The following MAD1L1 variants were observed in gnomAD, a reference collection of about 807,000 sequenced individuals.
The protein encoded by MAD1L1 is mitotic spindle assembly checkpoint protein MAD1.
A neutral mutation model predicts 96.9 loss-of-function variants in MAD1L1; 95 were observed. The ratio of observed to expected loss-of-function variants is 0.98; its 90% CI spans 0.83 to 1.16. The LOEUF is 1.16. Among genes scored for constraint, MAD1L1 ranks in the 50% most tolerant of loss-of-function variants. The pLI is 0.00. For synonymous variants in MAD1L1, 473 were observed against 396.6 expected (o/e 1.19, Z -2.29); for missense variants, 1,007 against 954.4 (o/e 1.06, Z -0.73).
intron 13 of MAD1L1, among the ~76,000 whole-genome samples, chr7:2,007,193 C>T (rs1053794977): frequency 6.6e-6 from 1 of 152,204 alleles, no homozygotes; most frequent in Non-Finnish European, 1.5e-5. Context: ...AAACGCTGGG[C>T]ACGTCAGTCA....
intron 12 of MAD1L1, among the ~76,000 whole-genome samples, chr7:2,068,144 C>T (rs1178316084): frequency 6.6e-6 from 1 of 152,180 alleles, no homozygotes; most frequent in African/African-American, 2.4e-5. Flanking sequence ...TTGGAGTGTC[C>T]CCTGTCTGGG....
At chr7:1,843,704 G>A (rs1435931610) in intron 18 of MAD1L1, among the ~76,000 whole-genome samples, 2 of 152,220 alleles carry the variant, frequency 1.3e-5, no homozygotes, top group Non-Finnish European at 2.9e-5. Context: ...CACTTCTGGA[G>A]TGGGCACACT....
intron 11 of MAD1L1, among the ~76,000 whole-genome samples, chr7:2,082,235 A>G (rs909271992): frequency 2.0e-5 from 3 of 152,026 alleles, no homozygotes; most frequent in Non-Finnish European, 4.4e-5. Flanking sequence ...CACATCCCAC[A>G]ACAGCTGCAC....
intron 11 of MAD1L1, among the ~76,000 whole-genome samples, chr7:2,135,767 A>G (rs1224637600): frequency 1.3e-5 from 2 of 152,228 alleles, no homozygotes; most frequent in African/African-American, 4.8e-5. Context: ...GTGTGTGCAC[A>G]TGTCCCAGGC....
At chr7:2,080,013 C>A (rs936136860) in intron 11 of MAD1L1, 11 of 304,322 alleles carry the variant, frequency 3.6e-5, no homozygotes, top group Non-Finnish European at 7.0e-5. Flanking sequence ...TCCGTGCGTC[C>A]GTCAACCCTG....
rs142501392 is a variant in MAD1L1, at chr7:2,232,550, G to T, written c.-190+322C>A. 8.1e-3 allele frequency among the ~76,000 whole-genome samples: 1,233 copies of T among 152,284 alleles called. 8 individuals carry two copies. Among genetic ancestry groups the T allele is most frequent in the Non-Finnish European group, 0.015 (1,023 of 68,016 alleles). On this transcript the variant is annotated intron_variant, in intron 1 of 18. Coordinates refer to ENST00000265854, the MANE Select transcript of MAD1L1 (RefSeq NM_001013836.2). The stretch of plus-strand genomic sequence containing the variant: ...ACACGGTAGGCAGCGGGACCCCGGG[G>T]CTGGGACCACGAGCACGCGCCCCTC...
chr7:1,842,499 C>T (rs898613841), intron 18 of MAD1L1, among the ~76,000 whole-genome samples: 1 of 152,266 alleles, frequency 6.6e-6, no homozygotes, highest in African/African-American at 2.4e-5. Flanking sequence ...GAATCCCTTC[C>T]GGCGCATGCC....
rs376900800 is a variant in MAD1L1, at chr7:2,219,448, G to T, written c.480C>A (p.Asn160Lys). 8 of 1,613,590 alleles carry T rather than the reference G, an allele frequency of 5.0e-6. No homozygotes were observed. The African/African-American group carries it at 9.4e-5, about 19-fold the overall frequency. Residue 160 changes from asparagine (N) to lysine (K), a missense_variant, in exon 6 of 19, where the codon AAC becomes AAA. Asn to Lys is a moderately conservative substitution (Grantham distance 94, BLOSUM62 0). Coordinates refer to ENST00000265854, the MANE Select transcript of MAD1L1 (RefSeq NM_001013836.2). ...GTTCCGAGATCCTCCCCTTCAGTGC[G>T]TTGATGGTCTAAAAGTAGAGGGGAC... ...DSLAQAGETI[N>K]ALKGRISELQ...
At chr7:2,113,993 G>A (rs1787522190) in intron 11 of MAD1L1, among the ~76,000 whole-genome samples, 1 of 152,204 alleles carries the variant, frequency 6.6e-6, no homozygotes, top group Non-Finnish European at 1.5e-5. Context: ...CCAGATCCTG[G>A]CACAGAAAAA....
At chr7:2,091,293 C>T (rs1297973872) in intron 11 of MAD1L1, among the ~76,000 whole-genome samples, 2 of 152,142 alleles carry the variant, frequency 1.3e-5, no homozygotes, top group Admixed American at 6.5e-5. Flanking sequence ...CTCTGGGCCC[C>T]GGTCAGCTCC....
At chr7:2,180,003 C>T (rs1160224245) in intron 10 of MAD1L1, among the ~76,000 whole-genome samples, 2 of 152,028 alleles carry the variant, frequency 1.3e-5, no homozygotes, top group East Asian at 3.9e-4. Flanking sequence ...GAAAGAAAGT[C>T]CTGTCTTGAT....
At chr7:2,198,128 T>G (rs954827830) in intron 10 of MAD1L1, among the ~76,000 whole-genome samples, 41 of 152,080 alleles carry the variant, frequency 2.7e-4, no homozygotes, top group African/African-American at 9.4e-4. Context: ...TATATTTTTA[T>G]TTTTAAAAAT....
intron 11 of MAD1L1, among the ~76,000 whole-genome samples, chr7:2,101,274 C>T (rs1381730417): frequency 8.7e-6 from 1 of 114,488 alleles, no homozygotes; most frequent in African/African-American, 3.2e-5. Flanking sequence ...TGGCGCGAGA[C>T]TGGGGCTCCA....
At chr7:2,145,270 T>G (rs1366481770) in intron 11 of MAD1L1, among the ~76,000 whole-genome samples, 5 of 152,224 alleles carry the variant, frequency 3.3e-5, no homozygotes, top group Non-Finnish European at 5.9e-5. Context: ...GGAATTCCAG[T>G]GCAGCACCTG....
At chr7:2,222,937 C>T (rs1026998778) in intron 4 of MAD1L1, among the ~76,000 whole-genome samples, 183 bp from the exon 5 acceptor site, 10 of 152,216 alleles carry the variant, frequency 6.6e-5, no homozygotes, top group African/African-American at 1.2e-4. Flanking sequence ...TTGGCACCCC[C>T]GCTGTGGCAC....
At chr7:1,881,679 T>C (rs902148406) in intron 18 of MAD1L1, among the ~76,000 whole-genome samples, 1 of 152,188 alleles carries the variant, frequency 6.6e-6, no homozygotes, top group Admixed American at 6.5e-5. Context: ...CACGATATAG[T>C]GTCGAAGGGA....
intron 18 of MAD1L1, among the ~76,000 whole-genome samples, chr7:1,856,477 C>T (rs1181395388): frequency 1.3e-5 from 2 of 152,256 alleles, no homozygotes; most frequent in African/African-American, 4.8e-5. Context: ...CGCCCACCCC[C>T]ACAGCCCCCG....
intron 12 of MAD1L1, among the ~76,000 whole-genome samples, chr7:2,030,498 T>C (rs1783176253): frequency 6.6e-6 from 1 of 152,212 alleles, no homozygotes; most frequent in Non-Finnish European, 1.5e-5. Context: ...TTGCTTACGC[T>C]AATTAGAGCC....
chr7:1,894,815 G>C (rs1037603521), intron 18 of MAD1L1, among the ~76,000 whole-genome samples: 2 of 151,914 alleles, frequency 1.3e-5, no homozygotes, highest in African/African-American at 2.4e-5. Flanking sequence ...AGCAGGAGTA[G>C]AGGGTGGGGG....
Sources: gnomAD v4.1 joint callset for allele counts (sites outside exome capture counted in the v4.1 genomes callset) on GRCh38, gnomAD v4.1.1 for gene constraint, MANE v1.5 for transcripts, NCBI Gene and HGNC (gene_info 2026-07-23, HGNC 2026-07-21) for gene names.